Variants in ZNF385B observed in about 807,000 individuals in gnomAD.
ZNF385B encodes the protein zinc finger protein 533.
Under a neutral mutation model 39.2 loss-of-function variants are expected in ZNF385B, and 23 were observed. The ratio of observed to expected loss-of-function variants is 0.59; its 90% CI spans 0.42 to 0.83. The LOEUF (loss-of-function observed/expected upper bound fraction) is 0.83. Among genes scored for constraint, ZNF385B ranks in the 40% least tolerant of loss-of-function variants. The pLI, the probability that ZNF385B is intolerant of heterozygous loss-of-function variation, is 0.00. For synonymous variants in ZNF385B, 205 were observed against 222.6 expected (o/e 0.92, Z 0.70); for missense variants, 552 against 598.9 (o/e 0.92, Z 0.82).
chr2:179,638,160 G>A (rs773490236), intron 3 of ZNF385B, among the ~76,000 whole-genome samples: 2 of 152,102 alleles, frequency 1.3e-5, no homozygotes, highest in Non-Finnish European at 2.9e-5. Context: ...TGTACCTATA[G>A]TTACAATACT....
chr2:179,461,428 T>G (rs1007401456), intron 6 of ZNF385B, among the ~76,000 whole-genome samples: 1 of 152,218 alleles, frequency 6.6e-6, no homozygotes, highest in African/African-American at 2.4e-5. Flanking sequence ...TATATTTGTA[T>G]GTAGAACCAA....
At chr2:179,536,363 G>C (rs1232863837) in intron 4 of ZNF385B, 1 of 152,096 alleles carries the variant, frequency 6.6e-6, no homozygotes, top group South Asian at 2.1e-4. Context: ...CTAAAGACTT[G>C]TCTTGCCAGA....
intron 5 of ZNF385B, among the ~76,000 whole-genome samples, chr2:179,495,434 C>T (rs1037684917): frequency 5.3e-5 from 8 of 152,182 alleles, no homozygotes; most frequent in Admixed American, 2.6e-4. Flanking sequence ...GGGACCTCAC[C>T]GCCCTAAAGG....
chr2:179,691,843 AT>A (rs142748646), intron 3 of ZNF385B, among the ~76,000 whole-genome samples: 47 of 152,032 alleles, frequency 3.1e-4, no homozygotes, highest in Non-Finnish European at 4.6e-4. Flanking sequence ...AAAATGTTTT[AT>A]TTTTTTAAAA....
intron 3 of ZNF385B, among the ~76,000 whole-genome samples, chr2:179,731,352 AG>A (rs1266493350): frequency 3.9e-5 from 6 of 152,232 alleles, no homozygotes; most frequent in Admixed American, 2.0e-4. Context: ...AGCAAGAGTC[AG>A]GGTCAGTGTT....
chr2:179,615,780 A>G (rs1456633185), intron 3 of ZNF385B, among the ~76,000 whole-genome samples: 1 of 152,148 alleles, frequency 6.6e-6, no homozygotes, highest in East Asian at 1.9e-4. Flanking sequence ...TCTGGGCTGG[A>G]GCTGATTTCC....
intron 3 of ZNF385B, among the ~76,000 whole-genome samples, chr2:179,608,525 T>C (rs1018483428): frequency 9.2e-5 from 14 of 152,178 alleles, no homozygotes; most frequent in Non-Finnish European, 2.1e-4. Flanking sequence ...AGCTTCCTTT[T>C]CTTCATTTAT....
chr2:179,732,039 C>G (rs115316969), intron 3 of ZNF385B, among the ~76,000 whole-genome samples: 1 of 152,174 alleles, frequency 6.6e-6, no homozygotes, highest in African/African-American at 2.4e-5. Context: ...GGATTAAGAT[C>G]GCTCTCTTTT....
chr2:179,550,747 CA>C (rs1559460162), intron 3 of ZNF385B, among the ~76,000 whole-genome samples: 1 of 149,096 alleles, frequency 6.7e-6, no homozygotes, highest in Non-Finnish European at 1.5e-5. Context: ...TTTTTTTGAA[CA>C]AGTTATTTCA....
chr2:179,607,451 C>T (rs1688905111), intron 3 of ZNF385B, among the ~76,000 whole-genome samples: 1 of 152,162 alleles, frequency 6.6e-6, no homozygotes, highest in African/African-American at 2.4e-5. Flanking sequence ...TTCCCCTTCA[C>T]CTTCTGCTGC....
At chr2:179,730,978 A>T (rs1383240175) in intron 3 of ZNF385B, among the ~76,000 whole-genome samples, 1 of 152,214 alleles carries the variant, frequency 6.6e-6, no homozygotes, top group African/African-American at 2.4e-5. Context: ...ACACCATCAA[A>T]ATATAACTCA....
At chr2:179,789,920 A>ATG (rs1268661288) in intron 1 of ZNF385B, among the ~76,000 whole-genome samples, 1 of 152,170 alleles carries the variant, frequency 6.6e-6, no homozygotes, top group African/African-American at 2.4e-5. Context: ...ACATGTTATG[A>ATG]TTTGAGGAGC....
rs141841253 is a variant in ZNF385B, at chr2:179,590,396, G to A, written c.299-45427C>T. On this transcript the variant is annotated intron_variant, in intron 3 of 9. Transcript: ENST00000410066. ...CCTGGCAACTGGTACTTCTACCTGC[G>A]CCATTTTGCCTATTTTACCTGTGAC... Among the ~76,000 whole-genome samples, 442 of 152,196 alleles carry A rather than the reference G, an allele frequency of 2.9e-3. 2 individuals are homozygous for A. The highest frequency in any genetic ancestry group is 1.0e-2 in the African/African-American group (414 of 41,530).
chr2:179,519,109 T>G (rs561612423), intron 4 of ZNF385B, among the ~76,000 whole-genome samples: 34 of 152,264 alleles, frequency 2.2e-4, no homozygotes, highest in African/African-American at 7.5e-4. Context: ...GCCGCCCGAG[T>G]AGCTGGGACT....
At chr2:179,459,588 A>AGT (rs3053314) in intron 6 of ZNF385B, among the ~76,000 whole-genome samples, 21,433 of 145,850 alleles carry the variant, frequency 0.15, 1,583 homozygotes, top group South Asian at 0.15. Context: ...AGAGAAAATA[A>AGT]GTGTGTGTGT....
chr2:179,560,232 G>T (rs2061240908), intron 3 of ZNF385B, among the ~76,000 whole-genome samples: 1 of 152,088 alleles, frequency 6.6e-6, no homozygotes, highest in African/African-American at 2.4e-5. Context: ...CCTGAAAGTA[G>T]AGCATTTCTT....
At chr2:179,823,931 A>C (rs1467226794) in intron 1 of ZNF385B, among the ~76,000 whole-genome samples, 1 of 152,150 alleles carries the variant, frequency 6.6e-6, no homozygotes, top group Non-Finnish European at 1.5e-5. Context: ...AAAAGGCTTG[A>C]GCAATTACAG....
At chr2:179,748,154 G>A (rs1024343471) in intron 3 of ZNF385B, among the ~76,000 whole-genome samples, 2 of 152,090 alleles carry the variant, frequency 1.3e-5, no homozygotes, top group African/African-American at 4.8e-5. Context: ...GCAAAAATAT[G>A]AGGGAAGGTG....
At chr2:179,577,503 T>C (rs1193319857) in intron 3 of ZNF385B, among the ~76,000 whole-genome samples, 4 of 152,130 alleles carry the variant, frequency 2.6e-5, no homozygotes, top group Non-Finnish European at 4.4e-5. Flanking sequence ...CAGCATCTAC[T>C]TTAAAGAGAA....
Sources: gnomAD v4.1 joint callset for allele counts (sites outside exome capture counted in the v4.1 genomes callset) on GRCh38, gnomAD v4.1.1 for gene constraint, MANE v1.5 for transcripts, NCBI Gene and HGNC (gene_info 2026-07-23, HGNC 2026-07-21) for gene names.